ARHGAP26: variants seen among roughly 807,000 people sequenced by gnomAD.
ARHGAP26 encodes the protein rho GTPase-activating protein 26.
Under a neutral mutation model 104.8 loss-of-function variants are expected in ARHGAP26, and 38 were observed. The observed-to-expected ratio is 0.36, with a 90% confidence interval of 0.28 to 0.48. The LOEUF is 0.48. ARHGAP26 is among the 20% of genes least tolerant of loss of function. The pLI is 0.99. For missense variants in ARHGAP26, 704 were observed against 947.9 expected (o/e 0.74, Z 3.38); for synonymous variants, 341 against 340.0 (o/e 1.00, Z -0.03).
intron 11 of ARHGAP26, among the ~76,000 whole-genome samples, chr5:143,001,275 T>C (rs1598571970): frequency 6.6e-6 from 1 of 152,332 alleles, no homozygotes; most frequent in South Asian, 2.1e-4. Flanking sequence ...TATGAAATTG[T>C]CACAATTCAT....
chr5:142,856,173 C>T (rs1752325350), intron 1 of ARHGAP26, among the ~76,000 whole-genome samples: 1 of 152,180 alleles, frequency 6.6e-6, no homozygotes, highest in Non-Finnish European at 1.5e-5. Flanking sequence ...CCATACTGAG[C>T]AAGTGTGAAA....
intron 1 of ARHGAP26, among the ~76,000 whole-genome samples, chr5:142,821,462 T>G (rs1766172392): frequency 6.6e-6 from 1 of 152,096 alleles, no homozygotes; most frequent in South Asian, 2.1e-4. Flanking sequence ...GGTAGAGTCC[T>G]TGACTTCCAT....
intron 20 of ARHGAP26, among the ~76,000 whole-genome samples, chr5:143,195,041 TA>T (rs552397783): frequency 5.1e-4 from 77 of 152,280 alleles, no homozygotes; most frequent in African/African-American, 1.8e-3. Context: ...TTTAGACTAC[TA>T]AATAAGCACC....
intron 19 of ARHGAP26, among the ~76,000 whole-genome samples, chr5:143,135,676 C>T (rs1177676270): frequency 6.6e-6 from 1 of 152,172 alleles, no homozygotes; most frequent in African/African-American, 2.4e-5. Flanking sequence ...CGGGTTGTTT[C>T]AAATATTTTG....
At chr5:143,068,776 G>A (rs1787865518) in intron 17 of ARHGAP26, among the ~76,000 whole-genome samples, 2 of 152,154 alleles carry the variant, frequency 1.3e-5, no homozygotes, top group African/African-American at 4.8e-5. Flanking sequence ...TGTGCTTGCT[G>A]TTCCCAAATC....
chr5:142,854,778 T>C (rs976987555), intron 1 of ARHGAP26, among the ~76,000 whole-genome samples: 50 of 152,120 alleles, frequency 3.3e-4, no homozygotes, highest in Non-Finnish European at 6.8e-4. Flanking sequence ...ATGAGGCATG[T>C]TGGGGTATTG....
At chr5:142,814,665 G>C (rs1017178767) in intron 1 of ARHGAP26, among the ~76,000 whole-genome samples, 1 of 152,182 alleles carries the variant, frequency 6.6e-6, no homozygotes, top group African/African-American at 2.4e-5. Flanking sequence ...GTAGTATGGT[G>C]ACTAAGTGTA....
At chr5:142,940,403 G>T (rs1169640593) in intron 11 of ARHGAP26, among the ~76,000 whole-genome samples, 4 of 152,078 alleles carry the variant, frequency 2.6e-5, no homozygotes, top group Non-Finnish European at 4.4e-5. Flanking sequence ...TTGTTGTACA[G>T]ATTATTTTGT....
chr5:142,952,779 G>A (rs867717667), intron 11 of ARHGAP26, among the ~76,000 whole-genome samples: 5 of 151,908 alleles, frequency 3.3e-5, no homozygotes, highest in Non-Finnish European at 4.4e-5. Context: ...GTGCCATCTC[G>A]GCTCACTGCA....
intron 1 of ARHGAP26, among the ~76,000 whole-genome samples, chr5:142,799,619 C>T (rs936456113): frequency 1.3e-5 from 2 of 152,122 alleles, no homozygotes; most frequent in African/African-American, 4.8e-5. Context: ...TTTATTGGCT[C>T]AAAATTCTGG....
At chr5:143,147,163 G>A (rs766145202) in intron 19 of ARHGAP26, 68 bp from the exon 20 acceptor site, 4 of 1,503,118 alleles carry the variant, frequency 2.7e-6, no homozygotes, top group Non-Finnish European at 3.6e-6. Flanking sequence ...ATACATTTTT[G>A]TGCATGTAGC....
intron 11 of ARHGAP26, among the ~76,000 whole-genome samples, chr5:142,974,224 T>C (rs2152708544): frequency 6.6e-6 from 1 of 152,054 alleles, no homozygotes; most frequent in East Asian, 1.9e-4. Context: ...TTTTTAAATA[T>C]CTGAATAATT....
intron 1 of ARHGAP26, chr5:142,860,270 C>G (rs1354843301): frequency 6.6e-6 from 1 of 152,250 alleles, no homozygotes; most frequent in Non-Finnish European, 1.5e-5. Context: ...TGCATCTGTA[C>G]TGGTTGAATG....
rs989325434 is a variant in ARHGAP26 at position 142,879,424 on chromosome 5, G to A, written c.363G>A (p.Lys121=). The part of the protein sequence containing the change: ...VLITPLEKFR[K]EQIGAAKEAK... ...TCACTCCCTTGGAGAAGTTTCGAAAGGAACAGATCGGGGCTGCCAAGGTGA... is the reference window on the plus strand; with the variant it reads ...TCACTCCCTTGGAGAAGTTTCGAAAAGAACAGATCGGGGCTGCCAAGGTGA... Residue 121 remains lysine (K), a synonymous_variant, in exon 4 of 23, where the codon AAG becomes AAA. Coordinates refer to ENST00000645722, the MANE Select transcript of ARHGAP26 (RefSeq NM_001135608.3). The A allele has an allele frequency of 3.1e-6, 5 of 1,613,772 alleles. No homozygotes were observed. Among genetic ancestry groups the A allele is most frequent in the Admixed American group, 1.7e-5 (1 of 59,960 alleles).
chr5:142,960,220 G>C (rs549001645), intron 11 of ARHGAP26, among the ~76,000 whole-genome samples: 1 of 152,212 alleles, frequency 6.6e-6, no homozygotes, highest in Non-Finnish European at 1.5e-5. Flanking sequence ...TCCTTCCCCT[G>C]ATGACAGAGC....
chr5:143,015,273 A>C (rs901673516), intron 12 of ARHGAP26, among the ~76,000 whole-genome samples: 7 of 152,162 alleles, frequency 4.6e-5, no homozygotes, highest in African/African-American at 1.7e-4. Flanking sequence ...CTTGAAGTCA[A>C]CTCTGACTAA....
intron 11 of ARHGAP26, among the ~76,000 whole-genome samples, chr5:142,960,245 A>G (rs149275746): frequency 2.0e-5 from 3 of 152,246 alleles, no homozygotes; most frequent in Admixed American, 1.3e-4. Flanking sequence ...AATAGTAATC[A>G]TGAGCCTAAA....
chr5:143,144,619 G>A (rs1265349974), intron 19 of ARHGAP26, among the ~76,000 whole-genome samples: 2 of 152,100 alleles, frequency 1.3e-5, no homozygotes, highest in African/African-American at 2.4e-5. Context: ...TGTTTACCAG[G>A]TTGATCTCAA....
At position 143,129,756 on chromosome 5, in the gene ARHGAP26, G is replaced by C. The variant is rs540001996; in HGVS notation, c.1699-4211G>C. On this transcript the variant is annotated intron_variant, in intron 18 of 22. Transcript: ENST00000645722. ...TGAGCATGATAAGTGCTCAAATTCT[G>C]TTTTTATTGTCATTTATACCACCAC... Among the ~76,000 whole-genome samples, 3 of 152,276 alleles carry C rather than the reference G, an allele frequency of 2.0e-5. No individual in the cohort carries two copies. In the South Asian group the frequency reaches 6.2e-4, roughly 32 times the overall value.
Sources: allele counts gnomAD v4.1 joint callset (sites outside exome capture counted in the v4.1 genomes callset), GRCh38; gene constraint gnomAD v4.1.1; transcripts MANE v1.5; gene names NCBI Gene and HGNC (gene_info 2026-07-23, HGNC 2026-07-21).